PLCL1: variants seen among roughly 807,000 people sequenced by gnomAD.
PLCL1 encodes inactive phospholipase C-like protein 1.
In PLCL1, 41 loss-of-function variants were observed where a neutral mutation model predicts 84.4. The ratio of observed to expected loss-of-function variants is 0.49; its 90% CI spans 0.38 to 0.63. The LOEUF (loss-of-function observed/expected upper bound fraction) is 0.63. PLCL1 is among the 30% of genes least tolerant of loss of function. The probability of loss-of-function intolerance (pLI) is 0.00; values close to 1 mark genes in which losing one functional copy is unlikely to be tolerated. For synonymous variants in PLCL1, 490 were observed against 488.3 expected, an observed-to-expected ratio of 1.00 and a Z score of -0.05; for missense variants, 1,206 against 1,367.8, an observed-to-expected ratio of 0.88 and a Z score of 1.87.
chr2:198,083,512 A>G (rs767923079), intron 1 of PLCL1, among the ~76,000 whole-genome samples: 7 of 152,202 alleles, frequency 4.6e-5, no homozygotes, highest in Non-Finnish European at 1.0e-4. Context: ...AGTGATTTGT[A>G]CTTAATACTT....
At chr2:197,964,858 T>A (rs1850633) in intron 1 of PLCL1, among the ~76,000 whole-genome samples, 37 of 152,040 alleles carry the variant, frequency 2.4e-4, no homozygotes, top group Non-Finnish European at 4.0e-4. Flanking sequence ...GTTTTTTATC[T>A]TTTATTCTAT....
At chr2:198,035,903 G>T (rs1022237502) in intron 1 of PLCL1, among the ~76,000 whole-genome samples, 61 of 152,162 alleles carry the variant, frequency 4.0e-4, no homozygotes, top group African/African-American at 1.4e-3. Flanking sequence ...CGGGCATGGG[G>T]TGTGCACCTG....
chr2:198,088,861 G>A lies in PLCL1; in HGVS notation c.2719G>A (p.Ala907Thr). 3 of 1,595,896 alleles carry A rather than the reference G, an allele frequency of 1.9e-6. No individual in the cohort carries two copies. The highest frequency in any genetic ancestry group is 4.5e-5 in the East Asian group (2 of 44,814). The change falls in exon 3 of 6, where the codon GCA (alanine) becomes ACA (threonine). Residue 907 changes from alanine to threonine, a missense_variant. By Grantham distance (58) the Ala-to-Thr change is moderately conservative (BLOSUM62 0). Transcript: ENST00000428675. ...TTCCATGTTTTCTTCCTCACAGAAT[G>A]CAATCGTGTCTATTAAGGAACTATG... ...AIDMRENMQN[A>T]IVSIKELCGL...
chr2:198,035,078 G>A (rs1201762972), intron 1 of PLCL1, among the ~76,000 whole-genome samples: 1 of 151,996 alleles, frequency 6.6e-6, no homozygotes, highest in African/African-American at 2.4e-5. Context: ...ATTACTCTTT[G>A]TCCCCTGTAA....
At chr2:197,818,206 C>G (rs1194180815) in intron 1 of PLCL1, among the ~76,000 whole-genome samples, 1 of 152,064 alleles carries the variant, frequency 6.6e-6, no homozygotes, top group Non-Finnish European at 1.5e-5. Flanking sequence ...AGTTGGTGTA[C>G]TAGGATGGAA....
At chr2:198,103,280 A>AT (rs938553537) in intron 4 of PLCL1, among the ~76,000 whole-genome samples, 3 of 151,826 alleles carry the variant, frequency 2.0e-5, no homozygotes, top group African/African-American at 4.8e-5. Context: ...ACTTATTAAA[A>AT]TTTTTTTTAA....
rs1332645977 is a variant in PLCL1, at chr2:197,831,893, A to C, written c.240+26554A>C. On this transcript the variant is annotated intron_variant, in intron 1 of 5. Coordinates refer to ENST00000428675, the MANE Select transcript of PLCL1 (RefSeq NM_006226.4). ...AACCGCACTACATGGAAACTGAACAACCTGAATGACTACTGGGTAAATAAC... is the reference window on the plus strand; with the variant it reads ...AACCGCACTACATGGAAACTGAACACCCTGAATGACTACTGGGTAAATAAC... Among the ~76,000 whole-genome samples, 3 of 151,942 alleles carry C rather than the reference A, an allele frequency of 2.0e-5. No individual in the cohort carries two copies. The East Asian group carries it at 5.8e-4, about 29-fold the overall frequency.
Position 198,072,924 on chromosome 2 carries a change from G to A in PLCL1, c.241-10834G>A, listed in dbSNP as rs953746255. ...CTTCTCTGGAATTTTATCAGATTGT[G>A]GTCTATGTTTTACAAAGTACTTTAG... On this transcript the variant is annotated intron_variant, in intron 1 of 5. Transcript: ENST00000428675. Among the ~76,000 whole-genome samples, 3 of 152,048 alleles carry A rather than the reference G, an allele frequency of 2.0e-5. No homozygotes were observed. In the Middle Eastern group the frequency reaches 0.01, roughly 517 times the overall value.
chr2:197,850,371 G>A (rs1030441902), intron 1 of PLCL1, among the ~76,000 whole-genome samples: 11 of 152,174 alleles, frequency 7.2e-5, no homozygotes, highest in East Asian at 3.9e-4. Flanking sequence ...AGGAATGCAC[G>A]TTTTTGTCAA....
At chr2:197,868,170 A>T (rs749039090) in intron 1 of PLCL1, among the ~76,000 whole-genome samples, 3 of 152,162 alleles carry the variant, frequency 2.0e-5, no homozygotes, top group Non-Finnish European at 2.9e-5. Context: ...AAAACTGCAA[A>T]CTCTGCATAT....
chr2:198,119,892 C>G (rs1227617080), intron 5 of PLCL1, among the ~76,000 whole-genome samples: 2 of 151,944 alleles, frequency 1.3e-5, no homozygotes, highest in African/African-American at 2.4e-5. Flanking sequence ...ATGCGACTAA[C>G]TAGTAAGCCG....
intron 1 of PLCL1, among the ~76,000 whole-genome samples, chr2:197,836,696 CA>C (rs1691198510): frequency 6.6e-6 from 1 of 151,974 alleles, no homozygotes; most frequent in South Asian, 2.1e-4. Context: ...TTACTATTTC[CA>C]ATGTATTGAT....
At chr2:198,109,597 T>A (rs1693567280) in intron 5 of PLCL1, among the ~76,000 whole-genome samples, 1 of 151,864 alleles carries the variant, frequency 6.6e-6, no homozygotes, top group African/African-American at 2.4e-5. Flanking sequence ...GTTCTGAAGA[T>A]CTCTTGGGAG....
intron 5 of PLCL1, among the ~76,000 whole-genome samples, chr2:198,104,504 T>C (rs556502964): frequency 1.4e-4 from 21 of 152,138 alleles, no homozygotes; most frequent in African/African-American, 4.8e-4. Context: ...CAAACAGACA[T>C]GTCCATGTGT....
intron 1 of PLCL1, among the ~76,000 whole-genome samples, chr2:197,896,098 C>A (rs1688128622): frequency 6.6e-6 from 1 of 151,954 alleles, no homozygotes; most frequent in Non-Finnish European, 1.5e-5. Context: ...GAACCTGTAA[C>A]TTTGACCTAG....
intron 3 of PLCL1, among the ~76,000 whole-genome samples, chr2:198,097,548 G>A (rs928958540): frequency 2.0e-5 from 3 of 152,140 alleles, no homozygotes; most frequent in African/African-American, 4.8e-5. Flanking sequence ...GAGTTAAATC[G>A]TAATGACAGC....
intron 1 of PLCL1, among the ~76,000 whole-genome samples, chr2:197,846,730 G>A (rs1032459468): frequency 6.6e-6 from 1 of 152,064 alleles, no homozygotes; most frequent in African/African-American, 2.4e-5. Context: ...TTTCACCCAG[G>A]CAAGAAAAAG....
At chr2:198,133,341 A>G (rs1694172137) in intron 5 of PLCL1, among the ~76,000 whole-genome samples, 1 of 135,108 alleles carries the variant, frequency 7.4e-6, no homozygotes, top group Non-Finnish European at 1.5e-5. Context: ...TCACATGGAC[A>G]CATGAAGGGG....
intron 1 of PLCL1, among the ~76,000 whole-genome samples, chr2:197,819,192 C>G (rs1690756302): frequency 6.6e-6 from 1 of 152,028 alleles, no homozygotes; most frequent in Non-Finnish European, 1.5e-5. Context: ...ATTTCATCCT[C>G]CAGCTTAAGA....
Sources: allele counts gnomAD v4.1 joint callset (sites outside exome capture counted in the v4.1 genomes callset), GRCh38; gene constraint gnomAD v4.1.1; transcripts MANE v1.5; gene names NCBI Gene and HGNC (gene_info 2026-07-23, HGNC 2026-07-21).